Variants in KIAA1958 observed in about 807,000 individuals in gnomAD.
KIAA1958 encodes the protein KIAA1958.
In KIAA1958, 14 loss-of-function variants were observed where a neutral mutation model predicts 47.2. The observed-to-expected ratio is 0.30, with a 90% CI of 0.20 to 0.46. The LOEUF is 0.46. Among genes scored for constraint, KIAA1958 ranks in the 20% least tolerant of loss-of-function variants. KIAA1958 has a pLI of 1.00. For missense variants in KIAA1958, 803 were observed against 909.2 expected, an observed-to-expected ratio of 0.88 and a Z score of 1.50; for synonymous variants, 354 against 353.3, an observed-to-expected ratio of 1.00 and a Z score of -0.02.
intron 1 of KIAA1958, among the ~76,000 whole-genome samples, chr9:112,499,713 G>C (rs557454401): frequency 7.5e-6 from 1 of 132,616 alleles, no homozygotes; most frequent in Non-Finnish European, 1.6e-5. Context: ...TTTTGAGACA[G>C]AGTTTCGCTC....
chr9:112,591,172 C>T (rs1019183649), intron 2 of KIAA1958, among the ~76,000 whole-genome samples: 1 of 152,154 alleles, frequency 6.6e-6, no homozygotes, highest in East Asian at 1.9e-4. Context: ...CAAGCTCTGC[C>T]TCCCGGGTTC....
chr9:112,630,634 G>A (rs907407087), intron 2 of KIAA1958, among the ~76,000 whole-genome samples: 4 of 152,128 alleles, frequency 2.6e-5, no homozygotes, highest in East Asian at 1.9e-4. Context: ...TCTTTGAGCC[G>A]AATAGGAATG....
intron 3 of KIAA1958, among the ~76,000 whole-genome samples, chr9:112,648,444 A>G (rs1837011808): frequency 6.6e-6 from 1 of 152,178 alleles, no homozygotes; most frequent in Non-Finnish European, 1.5e-5. Flanking sequence ...TCAGCTGAGT[A>G]CTGATCAACA....
At chr9:112,644,094 C>T (rs545143388) in intron 2 of KIAA1958, among the ~76,000 whole-genome samples, 250 of 152,094 alleles carry the variant, frequency 1.6e-3, no homozygotes, top group Non-Finnish European at 3.0e-3. Context: ...AGGAGAATCG[C>T]GTGAACCTGG....
At chr9:112,630,869 G>T (rs1836696785) in intron 2 of KIAA1958, among the ~76,000 whole-genome samples, 1 of 152,154 alleles carries the variant, frequency 6.6e-6, no homozygotes, top group African/African-American at 2.4e-5. Flanking sequence ...TTTGTATGAT[G>T]ATAGATTATA....
intron 2 of KIAA1958, among the ~76,000 whole-genome samples, chr9:112,584,564 C>T (rs746086534): frequency 6.6e-6 from 1 of 152,186 alleles, no homozygotes; most frequent in African/African-American, 2.4e-5. Context: ...ATTATCCTCA[C>T]AAATTTTAAC....
chr9:112,503,357 A>C, intron 1 of KIAA1958, among the ~76,000 whole-genome samples: 1 of 152,192 alleles, frequency 6.6e-6, no homozygotes, highest in East Asian at 1.9e-4. Flanking sequence ...TCTAGGAACA[A>C]GAATTTCAAG....
At chr9:112,626,532 A>C (rs1274964732) in intron 2 of KIAA1958, among the ~76,000 whole-genome samples, 1 of 152,176 alleles carries the variant, frequency 6.6e-6, no homozygotes, top group Non-Finnish European at 1.5e-5. Context: ...AGAATTAGGA[A>C]GATATCAGCA....
At position 112,574,672 on chromosome 9, in the gene KIAA1958, G is replaced by A. The variant is rs755134767; in HGVS notation, c.592G>A (p.Val198Ile). The change falls in exon 2 of 4, where the codon GTC becomes ATC. Residue 198 changes from valine (V) to isoleucine (I), a missense_variant. By Grantham distance (29) the Val-to-Ile change is conservative. Coordinates refer to ENST00000337530, the MANE Select transcript of KIAA1958 (RefSeq NM_133465.4). ...GATGGTTGACGAATGCAGCAATGATGTCATCATCAAGAAAATCAAACAAGA... is the reference window on the plus strand; with the variant it reads ...GATGGTTGACGAATGCAGCAATGATATCATCATCAAGAAAATCAAACAAGA... The part of the protein sequence containing the change: ...TQMVDECSND[V>I]IIKKIKQEIP... 2.5e-6 allele frequency: 4 copies of A among 1,614,028 alleles called. No individual in the cohort carries two copies. The highest frequency in any genetic ancestry group is 3.4e-6 in the Non-Finnish European group (4 of 1,180,048).
chr9:112,556,389 C>G lies in KIAA1958; in HGVS notation c.-24-17668C>G, dbSNP rs1180095463. ...GGTTTGAAAGTTTTGCTACCAAATA[C>G]ACATGCCCTTTCATATTCACATCAC... On this transcript the variant is annotated intron_variant, in intron 1 of 3. Coordinates refer to ENST00000337530, the MANE Select transcript of KIAA1958 (RefSeq NM_133465.4). 6.6e-5 allele frequency among the ~76,000 whole-genome samples: 10 copies of G among 152,248 alleles called. No individual in the cohort carries two copies. The South Asian group carries it at 8.3e-4, about 13-fold the overall frequency.
intron 2 of KIAA1958, among the ~76,000 whole-genome samples, chr9:112,608,588 A>C (rs1228398109): frequency 6.6e-6 from 1 of 152,214 alleles, no homozygotes; most frequent in Non-Finnish European, 1.5e-5. Flanking sequence ...CAGGAGTTTG[A>C]GACCAGCCTG....
intron 1 of KIAA1958, among the ~76,000 whole-genome samples, chr9:112,556,610 C>G (rs796195080): frequency 6.6e-5 from 10 of 152,350 alleles, no homozygotes; most frequent in African/African-American, 2.2e-4. Flanking sequence ...GCTGGAATTA[C>G]AGGCGTGAGC....
intron 2 of KIAA1958, among the ~76,000 whole-genome samples, chr9:112,645,231 T>G (rs1836956493): frequency 6.6e-6 from 1 of 152,104 alleles, no homozygotes. Context: ...AAATGATAGG[T>G]CTTCATGTGC....
chr9:112,604,090 C>G (rs1274672587), intron 2 of KIAA1958, among the ~76,000 whole-genome samples: 1 of 152,122 alleles, frequency 6.6e-6, no homozygotes, highest in East Asian at 1.9e-4. Flanking sequence ...AAATTGGGTA[C>G]TGTAGCAATA....
chr9:112,667,653 C>T lies in KIAA1958; in HGVS notation c.*7584C>T, dbSNP rs1837367938. Reference sequence around the variant, plus strand: ...CTGGCTTCAGACTTCTGCTCTATAGCACCAAATGCCAGGAAACAATAGAGA... The same window carrying T: ...CTGGCTTCAGACTTCTGCTCTATAGTACCAAATGCCAGGAAACAATAGAGA... On this transcript the variant is annotated 3_prime_UTR_variant, in exon 4 of 4. Transcript: ENST00000337530. 1 of 152,140 alleles carries T rather than the reference C, an allele frequency of 6.6e-6. No individual in the cohort carries two copies. Among genetic ancestry groups the T allele is most frequent in the Non-Finnish European group, 1.5e-5 (1 of 68,016 alleles). 9.4% of individuals were successfully genotyped at this position (152,140 alleles called of 1,614,324 possible).
At chr9:112,513,655 A>T (rs1026328160) in intron 1 of KIAA1958, among the ~76,000 whole-genome samples, 5 of 109,616 alleles carry the variant, frequency 4.6e-5, no homozygotes, top group African/African-American at 1.7e-4. Context: ...TTCAGCGGGC[A>T]GCGGAGCTGT....
At chr9:112,555,016 A>G (rs1835217352) in intron 1 of KIAA1958, among the ~76,000 whole-genome samples, 1 of 152,246 alleles carries the variant, frequency 6.6e-6, no homozygotes, top group South Asian at 2.1e-4. Context: ...AGAAGGGAAA[A>G]AGATTGAATC....
At chr9:112,572,165 A>G (rs942721008) in intron 1 of KIAA1958, among the ~76,000 whole-genome samples, 5 of 152,152 alleles carry the variant, frequency 3.3e-5, no homozygotes, top group African/African-American at 1.2e-4. Context: ...CTGCGTATAC[A>G]GGGTGGCTGG....
At chr9:112,595,790 AT>A (rs879272331) in intron 2 of KIAA1958, among the ~76,000 whole-genome samples, 147 of 145,640 alleles carry the variant, frequency 1.0e-3, no homozygotes, top group Admixed American at 1.0e-3. Context: ...GTTTGAAAGC[AT>A]TTTTTTTTTT....
Sources: gnomAD v4.1 joint callset for allele counts (sites outside exome capture counted in the v4.1 genomes callset) on GRCh38, gnomAD v4.1.1 for gene constraint, MANE v1.5 for transcripts, NCBI Gene and HGNC (gene_info 2026-07-23, HGNC 2026-07-21) for gene names.